NUP88: variants seen among roughly 807,000 people sequenced by gnomAD.
NUP88 encodes nucleoporin 88, also known as nuclear pore complex protein Nup88.
NUP88 carries 57 observed loss-of-function variants against 93.9 expected under a neutral mutation model. The ratio of observed to expected loss-of-function variants is 0.61; its 90% CI spans 0.49 to 0.76. The LOEUF (loss-of-function observed/expected upper bound fraction) is 0.76, where lower values mean the gene tolerates loss of function less well. NUP88 is among the 30% of genes least tolerant of loss of function. NUP88 has a pLI of 0.00. For synonymous variants in NUP88, 346 were observed against 336.8 expected (o/e 1.03, Z -0.30); for missense variants, 911 against 901.0 (o/e 1.01, Z -0.14).
chr17:5,413,448 C>T (rs1913958521), intron 3 of NUP88, among the ~76,000 whole-genome samples: 1 of 152,172 alleles, frequency 6.6e-6, no homozygotes. Context: ...TGTACCTCTG[C>T]TGAGTCCCCC....
intron 8 of NUP88, among the ~76,000 whole-genome samples, chr17:5,395,227 C>G (rs190617828): frequency 6.6e-6 from 1 of 152,280 alleles, no homozygotes; most frequent in Non-Finnish European, 1.5e-5. Flanking sequence ...AAATCATTCT[C>G]TTCTAGGGTG....
intron 1 of NUP88, 152 bp downstream of exon 1, chr17:5,419,202 G>C: frequency 1.2e-6 from 1 of 804,144 alleles, no homozygotes; most frequent in Non-Finnish European, 1.8e-6. Flanking sequence ...AGCATCGAGA[G>C]AGCCTGAGTC....
rs781524024 is a variant in NUP88, at chr17:5,387,879, G to A, written c.1669C>T (p.Pro557Ser). 2 of 1,613,896 alleles carry A rather than the reference G, an allele frequency of 1.2e-6. No individual in the cohort carries two copies. Among genetic ancestry groups the A allele is most frequent in the Non-Finnish European group, 1.7e-6 (2 of 1,179,780 alleles). Residue 557 changes from proline to serine, a missense_variant, in exon 12 of 17, where the codon CCT (proline) becomes TCT (serine). Transcript: ENST00000573584. ...AGGAGCTGAAGGCATTCTTCAGGAG[G>A]AGGGGCTATGTCCTTTTCAGAAGCT... ...LKASEKDIAPPPEECLQLLSR... is the reference protein window; with the variant it reads ...LKASEKDIAPSPEECLQLLSR...
Position 5,404,196 on chromosome 17 carries a change from C to T in NUP88, c.1095G>A (p.Val365=). 6.2e-7 allele frequency: 1 copy of T among 1,614,058 alleles called. No individual in the cohort carries two copies. Among genetic ancestry groups the T allele is most frequent in the Non-Finnish European group, 8.5e-7 (1 of 1,179,948 alleles). Residue 365 remains valine (V), a synonymous_variant, in exon 7 of 17, where the codon GTG becomes GTA. Transcript: ENST00000573584. ...CAAGCTCCAACTCAACACATTCAAACACATACAGAGAAGGAATGAGGTCAA... is the reference window on the plus strand; with the variant it reads ...CAAGCTCCAACTCAACACATTCAAATACATACAGAGAAGGAATGAGGTCAA... ...SRIDLIPSLY[V]FECVELELAL... is the part of the protein sequence containing the mutation.
chr17:5,407,030 G>A (rs2151643743), intron 5 of NUP88, among the ~76,000 whole-genome samples: 1 of 152,306 alleles, frequency 6.6e-6, no homozygotes, highest in Non-Finnish European at 1.5e-5. Flanking sequence ...GGGCTCAGCA[G>A]CAAGAGGAGA....
intron 9 of NUP88, 65 bp downstream of exon 9, chr17:5,394,826 A>G: frequency 1.8e-6 from 2 of 1,101,754 alleles, no homozygotes; most frequent in Admixed American, 1.7e-5. Context: ...TAACGGATAC[A>G]AACGTATCTG....
chr17:5,410,972 G>C (rs1191036591), intron 3 of NUP88, among the ~76,000 whole-genome samples, 183 bp from the exon 4 acceptor site: 1 of 152,146 alleles, frequency 6.6e-6, no homozygotes, highest in Admixed American at 6.5e-5. Flanking sequence ...ACATAAGGGA[G>C]TTTCATTGGG....
At chr17:5,397,185 C>T (rs1392399616) in intron 8 of NUP88, among the ~76,000 whole-genome samples, 1 of 151,938 alleles carries the variant, frequency 6.6e-6, no homozygotes, top group Non-Finnish European at 1.5e-5. Flanking sequence ...ACAAAAAACA[C>T]AAAAATTAGC....
At position 5,387,878 on chromosome 17, in the gene NUP88, G is replaced by C. The variant is rs769164780; in HGVS notation, c.1670C>G (p.Pro557Arg). The stretch of plus-strand genomic sequence containing the variant: ...GAGGAGCTGAAGGCATTCTTCAGGA[G>C]GAGGGGCTATGTCCTTTTCAGAAGC... ...LKASEKDIAP[P>R]PEECLQLLSR... Residue 557 changes from proline to arginine, a missense_variant, in exon 12 of 17, where the codon CCT (proline) becomes CGT (arginine). By Grantham distance (103) the Pro-to-Arg change is moderately radical. Coordinates refer to ENST00000573584, the MANE Select transcript of NUP88 (RefSeq NM_002532.6). 1.2e-6 allele frequency: 2 copies of C among 1,613,896 alleles called. No individual in the cohort carries two copies. The highest frequency in any genetic ancestry group is 1.7e-5 in the Admixed American group (1 of 60,012).
Position 5,414,152 on chromosome 17 carries a change from A to C in NUP88, c.468-18T>G, listed in dbSNP as rs1914002305. ...GAGTGGTACTAAAATAAAGATAATA[A>C]TTTTCCAAAACATTTTGTACAACTT... On this transcript the variant is annotated intron_variant, in intron 2 of 16. Coordinates refer to ENST00000573584, the MANE Select transcript of NUP88 (RefSeq NM_002532.6). 1 of 1,606,604 alleles carries C rather than the reference A, an allele frequency of 6.2e-7. No homozygotes were observed. The highest frequency in any genetic ancestry group is 1.3e-5 in the African/African-American group (1 of 74,658).
rs201770110 is a variant in NUP88 at position 5,387,336 on chromosome 17, A to G, written c.1916+50T>C. 6.7e-6 allele frequency: 10 copies of G among 1,500,936 alleles called. No homozygotes were observed. In the East Asian group the frequency reaches 2.0e-4, roughly 31 times the overall value. 93.0% of individuals were successfully genotyped at this position (1,500,936 alleles called of 1,614,324 possible). A position where few individuals can be genotyped will look rare whatever the true frequency, so the allele number is the denominator to read the frequency against. On this transcript the variant is annotated intron_variant, in intron 14 of 16. Transcript: ENST00000573584. Reference sequence around the variant, plus strand: ...CCTGCCAATGCCCATTTTCTTAAATATCGTTGTTAGTACCTGACTAGGTAA... The same window carrying G: ...CCTGCCAATGCCCATTTTCTTAAATGTCGTTGTTAGTACCTGACTAGGTAA...
chr17:5,386,090 C>T lies in NUP88; in HGVS notation c.*116G>A, dbSNP rs2144754445. On this transcript the variant is annotated 3_prime_UTR_variant, in exon 17 of 17. Transcript: ENST00000573584. ...AAACAACATATTTAAAAAGATGAAC[C>T]ACACCAAAGGTCATCAAAACACCTT... The T allele has an allele frequency of 2.9e-6, 2 of 685,394 alleles. No homozygotes were observed. The highest frequency in any genetic ancestry group is 2.5e-4 in the Middle Eastern group (1 of 3,944). 42.5% of individuals were successfully genotyped at this position (685,394 alleles called of 1,614,324 possible).
At chr17:5,419,247 C>T (rs1337645030) in intron 1 of NUP88, 107 bp downstream of exon 1, 3 of 1,298,416 alleles carry the variant, frequency 2.3e-6, no homozygotes, top group Non-Finnish European at 3.1e-6. Context: ...GGAGTCAATC[C>T]GCTGGAACGC....
chr17:5,387,488 G>C (rs1456561262), intron 13 of NUP88, 22 bp from the exon 14 acceptor site: 1 of 1,611,258 alleles, frequency 6.2e-7, no homozygotes, highest in African/African-American at 1.3e-5. Flanking sequence ...AGACACAAGA[G>C]ACTCTTGAGG....
At chr17:5,404,043 ATAGTCT>A (rs1192134033) in intron 7 of NUP88, 50 bp downstream of exon 7, 2 of 1,533,720 alleles carry the variant, frequency 1.3e-6, no homozygotes, top group African/African-American at 2.7e-5. Context: ...ACAGTCTATG[ATAGTCT>A]TAGTATAAAA....
intron 9 of NUP88, among the ~76,000 whole-genome samples, chr17:5,393,047 G>C (rs1026639654): frequency 5.9e-5 from 9 of 152,006 alleles, no homozygotes; most frequent in African/African-American, 1.9e-4. Flanking sequence ...CCACCTCCCA[G>C]GGTCATACGA....
At chr17:5,403,552 T>A (rs531704243) in intron 7 of NUP88, among the ~76,000 whole-genome samples, 1 of 151,736 alleles carries the variant, frequency 6.6e-6, no homozygotes, top group East Asian at 1.9e-4. Context: ...TCCAGCTACT[T>A]GGGAGGCTGA....
At chr17:5,387,530 G>C (rs1306215175) in intron 13 of NUP88, 64 bp from the exon 14 acceptor site, 2 of 1,595,174 alleles carry the variant, frequency 1.3e-6, no homozygotes, top group African/African-American at 2.7e-5. Flanking sequence ...CACCTAATGT[G>C]GCTCAGCATC....
At position 5,387,577 on chromosome 17, in the gene NUP88, T is replaced by C. The variant is rs199599766; in HGVS notation, c.1835+28A>G. On this transcript the variant is annotated intron_variant, in intron 13 of 16. Transcript: ENST00000573584. ...ATATGGTTCCAGTCTTACTGACCTATTGTATTCTTCTTATTTTTGACACTT... is the reference window on the plus strand; with the variant it reads ...ATATGGTTCCAGTCTTACTGACCTACTGTATTCTTCTTATTTTTGACACTT... The C allele has an allele frequency of 6.9e-6, 11 of 1,602,692 alleles. No homozygotes were observed. In the Admixed American group the frequency reaches 8.4e-5, roughly 12 times the overall value.
Sources: gnomAD v4.1 joint callset for allele counts (sites outside exome capture counted in the v4.1 genomes callset) on GRCh38, gnomAD v4.1.1 for gene constraint, MANE v1.5 for transcripts, NCBI Gene and HGNC (gene_info 2026-07-23, HGNC 2026-07-21) for gene names.